CYTH2: variants seen among roughly 807,000 people sequenced by gnomAD.
The protein encoded by CYTH2 is cytohesin 2.
Under a neutral mutation model 55.4 loss-of-function variants are expected in CYTH2, and 24 were observed. The ratio of observed to expected loss-of-function variants is 0.43; its 90% CI spans 0.31 to 0.61. The LOEUF is 0.61. Among genes scored for constraint, CYTH2 ranks in the 20% least tolerant of loss-of-function variants. The probability of loss-of-function intolerance (pLI) is 0.08; values close to 1 mark genes in which losing one functional copy is unlikely to be tolerated. For synonymous variants in CYTH2, 221 were observed against 209.6 expected, an observed-to-expected ratio of 1.05 and a Z score of -0.47; for missense variants, 378 against 533.5, an observed-to-expected ratio of 0.71 and a Z score of 2.87.
At chr19:48,471,545 G>A (rs1371072288) in intron 3 of CYTH2, among the ~76,000 whole-genome samples, 1 of 152,188 alleles carries the variant, frequency 6.6e-6, no homozygotes, top group African/African-American at 2.4e-5. Context: ...AGAATTAGAT[G>A]CTGCCTTGTG....
intron 1 of CYTH2, chr19:48,469,850 G>C (rs1295604094): frequency 1.7e-6 from 1 of 571,570 alleles, no homozygotes. Context: ...AGGGGCGCTT[G>C]GGTTGCGGGG....
Position 48,480,967 on chromosome 19 carries a change from G to A in CYTH2, c.*1757G>A, listed in dbSNP as rs1972035805. On this transcript the variant is annotated 3_prime_UTR_variant, in exon 12 of 12. Coordinates refer to ENST00000452733, the MANE Select transcript of CYTH2 (RefSeq NM_004228.7). ...GCGGGAGGGGAGGGCAGAGGCAGGC[G>A]GCCGGTCGCGTGGGGCCTGGGCCGC... 6.6e-6 allele frequency: 1 copy of A among 152,228 alleles called. No individual in the cohort carries two copies. The highest frequency in any genetic ancestry group is 2.4e-5 in the African/African-American group (1 of 41,472). The allele number at this position is 152,228 out of a possible 1,614,324, so 9.4% of individuals were successfully genotyped here.
At chr19:48,479,061 G>A in intron 11 of CYTH2, 62 bp from the exon 12 acceptor site, 1 of 1,556,106 alleles carries the variant, frequency 6.4e-7, no homozygotes, top group South Asian at 1.1e-5. Context: ...TGGGTATGAG[G>A]GAGGAGGGGC....
intron 8 of CYTH2, 109 bp downstream of exon 8, chr19:48,475,058 T>G: frequency 1.0e-6 from 1 of 970,582 alleles, no homozygotes; most frequent in East Asian, 2.5e-5. Context: ...GGCAAATGAT[T>G]CGACCTCTCT....
chr19:48,477,972 C>T (rs1971952635), intron 8 of CYTH2, 97 bp from the exon 9 acceptor site: 5 of 977,400 alleles, frequency 5.1e-6, no homozygotes, highest in Non-Finnish European at 4.7e-6. Context: ...GGAGCCCCAC[C>T]TCTACCGCTC....
In CYTH2 at chr19:48,479,125, C is replaced by T; in HGVS notation, c.1115C>T (p.Ala372Val). 6.2e-7 allele frequency: 1 copy of T among 1,613,998 alleles called. No individual in the cohort carries two copies. The highest frequency in any genetic ancestry group is 1.1e-5 in the South Asian group (1 of 91,080). The change falls in exon 12 of 12, where the codon GCG (alanine) becomes GTG (valine). Residue 372 changes from alanine (A) to valine (V), a missense_variant and splice_region_variant. By Grantham distance (64) the Ala-to-Val change is moderately conservative (BLOSUM62 0). Transcript: ENST00000452733. ...EKDEWIKSIQAAVSVDPFYEM... is the reference protein window; with the variant it reads ...EKDEWIKSIQVAVSVDPFYEM... The stretch of plus-strand genomic sequence containing the variant: ...CTGGGACCCCTCCCCTTCTGCAGGG[C>T]GGCTGTGAGTGTGGACCCCTTCTAT...
chr19:48,471,250 C>G (rs545465669), intron 3 of CYTH2, among the ~76,000 whole-genome samples: 1 of 151,826 alleles, frequency 6.6e-6, no homozygotes, highest in Non-Finnish European at 1.5e-5. Flanking sequence ...ACCTCCGCCT[C>G]CTGCGATTCT....
chr19:48,476,074 T>C (rs1340894674), intron 8 of CYTH2: 1 of 513,406 alleles, frequency 1.9e-6, no homozygotes, highest in South Asian at 1.4e-5. Context: ...GGCCTCCCCA[T>C]GTGGAACTGT....
Position 48,473,808 on chromosome 19 carries a change from C to T in CYTH2, c.435-97C>T, listed in dbSNP as rs115462839. 1,300 of 958,426 alleles carry T rather than the reference C, an allele frequency of 1.4e-3. 10 individuals carry two copies. In the African/African-American group the frequency reaches 0.02, roughly 14 times the overall value. 59.4% of individuals were successfully genotyped at this position (958,426 alleles called of 1,614,324 possible). ...GAAACAACTGCTGAGGCCGGAAGGT[C>T]GGGATTCCTCGTGGACCAGTTCCTA... is the stretch of plus-strand genomic sequence containing the variant. On this transcript the variant is annotated intron_variant, in intron 5 of 11. Coordinates refer to ENST00000452733, the MANE Select transcript of CYTH2 (RefSeq NM_004228.7).
At chr19:48,477,723 G>C (rs1252805365) in intron 8 of CYTH2, 6 of 295,432 alleles carry the variant, frequency 2.0e-5, no homozygotes, top group African/African-American at 1.1e-4. Context: ...CCAGGAGGTA[G>C]GTACACGACC....
chr19:48,479,065 G>A, intron 11 of CYTH2, 58 bp from the exon 12 acceptor site: 1 of 1,563,222 alleles, frequency 6.4e-7, no homozygotes, highest in South Asian at 1.1e-5. Flanking sequence ...TATGAGGGAG[G>A]AGGGGCTGGA....
At chr19:48,477,814 G>A in intron 8 of CYTH2, 1 of 507,566 alleles carries the variant, frequency 2.0e-6, no homozygotes, top group Non-Finnish European at 3.5e-6. Flanking sequence ...CACAGGAGGA[G>A]GGGGCTGGGG....
Position 48,469,460 on chromosome 19 carries a change from C to T in CYTH2, c.-48C>T. 5 of 1,319,612 alleles carry T rather than the reference C, an allele frequency of 3.8e-6. No individual in the cohort carries two copies. The highest frequency in any genetic ancestry group is 2.1e-5 in the South Asian group (1 of 47,554). 81.7% of individuals were successfully genotyped at this position (1,319,612 alleles called of 1,614,324 possible). A position where few individuals can be genotyped will look rare whatever the true frequency, so the allele number is the denominator to read the frequency against. ...CCCGCGGGCCAACGCGGATCCAGGC[C>T]CGACTGGCGGGACCGCCCCGGATTC... On this transcript the variant is annotated 5_prime_UTR_variant, in exon 1 of 12. Transcript: ENST00000452733.
intron 8 of CYTH2, chr19:48,475,950 G>A: frequency 2.0e-6 from 1 of 509,212 alleles, no homozygotes; most frequent in Non-Finnish European, 3.9e-6. Flanking sequence ...AGCAGTGGAG[G>A]CTTCCCGCGG....
At position 48,478,148 on chromosome 19, in the gene CYTH2, G is replaced by A. The variant is rs549462204; in HGVS notation, c.885+3G>A. ...TCTACTACTTTGAGTACACCACGGTGAGCGTGACCCGACCCGGGCTCTGGG... is the reference window on the plus strand; with the variant it reads ...TCTACTACTTTGAGTACACCACGGTAAGCGTGACCCGACCCGGGCTCTGGG... On this transcript the variant is annotated splice_donor_region_variant and intron_variant, in intron 9 of 11. Coordinates refer to ENST00000452733, the MANE Select transcript of CYTH2 (RefSeq NM_004228.7). 3.7e-6 allele frequency: 6 copies of A among 1,613,940 alleles called. No homozygotes were observed. In the East Asian group the frequency reaches 8.9e-5, roughly 24 times the overall value.
intron 8 of CYTH2, chr19:48,477,775 C>T: frequency 4.4e-6 from 2 of 451,968 alleles, no homozygotes; most frequent in Non-Finnish European, 8.0e-6. Context: ...GGGGGCTGCC[C>T]TGGCGCCCTG....
intron 9 of CYTH2, 35 bp downstream of exon 9, chr19:48,478,180 G>A (rs1290084405): frequency 6.2e-7 from 1 of 1,613,166 alleles, no homozygotes; most frequent in Non-Finnish European, 8.5e-7. Flanking sequence ...TGGGGTCCTG[G>A]GCGGAGTGGC....
chr19:48,470,777 C>T, intron 3 of CYTH2, 108 bp downstream of exon 3: 1 of 1,228,066 alleles, frequency 8.1e-7, no homozygotes, highest in Non-Finnish European at 1.2e-6. Flanking sequence ...TCTAGGTGGA[C>T]AGACTTGGTC....
In CYTH2 at chr19:48,478,272, C is replaced by G. The variant is rs371954671; in HGVS notation, c.886-3C>G. 8.3e-5 allele frequency: 134 copies of G among 1,612,990 alleles called. 1 individual carries two copies. The highest frequency in any genetic ancestry group is 1.1e-4 in the Non-Finnish European group (127 of 1,179,754). On this transcript the variant is annotated splice_region_variant and splice_polypyrimidine_tract_variant and intron_variant, in intron 9 of 11. Coordinates refer to ENST00000452733, the MANE Select transcript of CYTH2 (RefSeq NM_004228.7). ...CTGAGTTCTGTCCACCTTGCTTCTT[C>G]AGGACAAGGAGCCCCGAGGAATCAT...
Sources: allele counts gnomAD v4.1 joint callset (sites outside exome capture counted in the v4.1 genomes callset), GRCh38; gene constraint gnomAD v4.1.1; transcripts MANE v1.5; gene names NCBI Gene and HGNC (gene_info 2026-07-23, HGNC 2026-07-21).